Variants in EML4 observed in about 807,000 individuals in gnomAD.
EML4 encodes EMAP like 4.
In EML4, 72 loss-of-function variants were observed where a neutral mutation model predicts 129.0. The ratio of observed to expected loss-of-function variants is 0.56; its 90% CI spans 0.46 to 0.68. The LOEUF (loss-of-function observed/expected upper bound fraction) is 0.68, where lower values mean the gene tolerates loss of function less well. Among genes scored for constraint, EML4 ranks in the 30% least tolerant of loss-of-function variants. The pLI is 0.00. For missense variants in EML4, 1,363 were observed against 1,190.6 expected, an observed-to-expected ratio of 1.14 and a Z score of -2.13; for synonymous variants, 532 against 405.0, an observed-to-expected ratio of 1.31 and a Z score of -3.77.
intron 2 of EML4, among the ~76,000 whole-genome samples, chr2:42,249,311 A>G (rs1483147275): frequency 6.6e-6 from 1 of 150,440 alleles, no homozygotes; most frequent in Non-Finnish European, 1.5e-5. Context: ...GCCCCTGTGA[A>G]ATTAGAATTT....
In EML4 at chr2:42,263,220, G is replaced by A; in HGVS notation, c.555G>A (p.Trp185Ter). 6.2e-7 allele frequency: 1 copy of A among 1,612,140 alleles called. No individual in the cohort carries two copies. Among genetic ancestry groups the A allele is most frequent in the Non-Finnish European group, 8.5e-7 (1 of 1,179,248 alleles). The change falls in exon 5 of 23, where the codon TGG becomes TGA. Residue 185 changes from tryptophan (W) to a stop codon, truncating the protein, a stop_gained. Coordinates refer to ENST00000318522, the MANE Select transcript of EML4 (RefSeq NM_019063.5). LOFTEE classifies it high-confidence loss of function. ...PSPAEKSHNS[W>*]ENSDDSRNKL... is the part of the protein sequence containing the mutation. ...CAGCTGAAAAGTCACATAATTCTTG[G>A]GAAAATTCAGATGATAGCCGTAATA...
chr2:42,177,305 A>G (rs367807097), intron 1 of EML4, among the ~76,000 whole-genome samples: 2 of 151,992 alleles, frequency 1.3e-5, no homozygotes, highest in Non-Finnish European at 2.9e-5. Context: ...ATTGTAATAC[A>G]CAATCTCAGA....
chr2:42,299,677 T>A (rs1216534681), intron 13 of EML4, among the ~76,000 whole-genome samples: 1 of 152,162 alleles, frequency 6.6e-6, no homozygotes, highest in Non-Finnish European at 1.5e-5. Context: ...CACTTAGTTT[T>A]TTTTGTTTTG....
intron 1 of EML4, among the ~76,000 whole-genome samples, chr2:42,211,328 G>A (rs951819135): frequency 3.3e-5 from 5 of 152,156 alleles, no homozygotes; most frequent in Admixed American, 6.5e-5. Context: ...GTGTTGAATA[G>A]AATAAAAGGA....
chr2:42,269,248 T>G (rs1666236646), intron 6 of EML4, among the ~76,000 whole-genome samples: 1 of 152,240 alleles, frequency 6.6e-6, no homozygotes, highest in Admixed American at 6.5e-5. Flanking sequence ...AAATGCTTTA[T>G]CAAATAATTT....
chr2:42,214,168 G>A (rs1673041128), intron 1 of EML4, among the ~76,000 whole-genome samples: 1 of 152,094 alleles, frequency 6.6e-6, no homozygotes, highest in Non-Finnish European at 1.5e-5. Flanking sequence ...CAGCTTGGGC[G>A]GGAGTCACAG....
rs79535440 is a variant in EML4, at chr2:42,225,963, A to G, written c.26-19542A>G. ...ATGTAAAATGTATAAATATTTTACA[A>G]ACATCTAAAAATTTGTTTTATTTTT... On this transcript the variant is annotated intron_variant, in intron 1 of 22. Transcript: ENST00000318522. 3.3e-3 allele frequency among the ~76,000 whole-genome samples: 497 copies of G among 152,274 alleles called. 9 individuals are homozygous for G. The East Asian group carries it at 0.046, about 14-fold the overall frequency.
intron 2 of EML4, among the ~76,000 whole-genome samples, chr2:42,256,143 A>T (rs910160742): frequency 7.2e-5 from 11 of 152,218 alleles, no homozygotes; most frequent in African/African-American, 2.4e-4. Flanking sequence ...TGGTTTTAAC[A>T]AGCTGTTTTT....
chr2:42,191,851 A>G (rs1448042632), intron 1 of EML4, among the ~76,000 whole-genome samples: 3 of 152,036 alleles, frequency 2.0e-5, no homozygotes, highest in African/African-American at 7.3e-5. Context: ...CCTGAGGTCA[A>G]TAAGAAACCT....
At chr2:42,185,867 C>G (rs543990058) in intron 1 of EML4, among the ~76,000 whole-genome samples, 2 of 152,158 alleles carry the variant, frequency 1.3e-5, no homozygotes, top group South Asian at 4.1e-4. Flanking sequence ...CATGAAGGGC[C>G]TGAAACAGGT....
chr2:42,313,609 ATTAG>A (rs1367609322), intron 17 of EML4, among the ~76,000 whole-genome samples: 1 of 152,052 alleles, frequency 6.6e-6, no homozygotes, highest in Non-Finnish European at 1.5e-5. Context: ...TTTCCCAGAT[ATTAG>A]TTATAGTGCT....
chr2:42,229,424 C>T (rs1674181139), intron 1 of EML4, among the ~76,000 whole-genome samples: 2 of 152,088 alleles, frequency 1.3e-5, no homozygotes, highest in Admixed American at 1.3e-4. Flanking sequence ...GCACCATATG[C>T]ATATTAAGTA....
At chr2:42,245,788 G>C in intron 2 of EML4, 101 bp downstream of exon 2, 1 of 1,090,084 alleles carries the variant, frequency 9.2e-7, no homozygotes, top group Non-Finnish European at 1.3e-6. Context: ...TGGATTACTT[G>C]TGATTATAGT....
intron 6 of EML4, among the ~76,000 whole-genome samples, chr2:42,280,625 A>G (rs912646893): frequency 6.6e-5 from 10 of 152,250 alleles, no homozygotes; most frequent in African/African-American, 2.4e-4. Flanking sequence ...ATTTTGTATC[A>G]GGAAATTGAG....
chr2:42,197,455 A>C (rs4048), intron 1 of EML4, among the ~76,000 whole-genome samples: 15,709 of 152,156 alleles, frequency 0.1, 993 homozygotes, highest in East Asian at 0.18. Context: ...CAAGTCATCT[A>C]TTGGCAGGAG....
chr2:42,234,047 CT>C (rs1376198735), intron 1 of EML4, among the ~76,000 whole-genome samples: 1 of 152,208 alleles, frequency 6.6e-6, no homozygotes, highest in Non-Finnish European at 1.5e-5. Flanking sequence ...TTTCTGCTGC[CT>C]AGGGTTTAGC....
chr2:42,195,767 T>C (rs929177954), intron 1 of EML4, among the ~76,000 whole-genome samples: 23 of 152,320 alleles, frequency 1.5e-4, no homozygotes, highest in African/African-American at 4.8e-4. Context: ...GGAGCTTTAT[T>C]GCAACACTAC....
intron 6 of EML4, among the ~76,000 whole-genome samples, chr2:42,277,718 A>G (rs996222120): frequency 1.3e-5 from 2 of 151,996 alleles, no homozygotes; most frequent in Non-Finnish European, 1.5e-5. Context: ...ACAGACATGT[A>G]CCACCACACC....
chr2:42,174,582 T>C (rs2103797803), intron 1 of EML4, among the ~76,000 whole-genome samples: 1 of 152,182 alleles, frequency 6.6e-6, no homozygotes, highest in Non-Finnish European at 1.5e-5. Flanking sequence ...TGTGAGCCAC[T>C]GTGCCTGACC....
Sources: gnomAD v4.1 joint callset for allele counts (sites outside exome capture counted in the v4.1 genomes callset) on GRCh38, gnomAD v4.1.1 for gene constraint, MANE v1.5 for transcripts, NCBI Gene and HGNC (gene_info 2026-07-23, HGNC 2026-07-21) for gene names.